CDC42BPA: variants seen among roughly 807,000 people sequenced by gnomAD.
CDC42BPA encodes the protein serine/threonine-protein kinase MRCK alpha.
Under a neutral mutation model 223.5 loss-of-function variants are expected in CDC42BPA, and 80 were observed. The ratio of observed to expected loss-of-function variants is 0.36; its 90% CI spans 0.30 to 0.43. The LOEUF (loss-of-function observed/expected upper bound fraction) is 0.43. Among genes scored for constraint, CDC42BPA ranks in the 20% least tolerant of loss-of-function variants. The probability of loss-of-function intolerance (pLI) is 1.00; values close to 1 mark genes in which losing one functional copy is unlikely to be tolerated. For missense variants in CDC42BPA, 1,743 were observed against 2,099.9 expected, an observed-to-expected ratio of 0.83 and a Z score of 3.32; for synonymous variants, 694 against 718.6, an observed-to-expected ratio of 0.97 and a Z score of 0.55.
At chr1:227,008,247 G>A (rs1347609177) in intron 34 of CDC42BPA, among the ~76,000 whole-genome samples, 1 of 152,180 alleles carries the variant, frequency 6.6e-6, no homozygotes, top group African/African-American at 2.4e-5. Context: ...TTCAAAATAT[G>A]ATCCTTTCTG....
chr1:227,083,632 A>G (rs1429108472), intron 16 of CDC42BPA, among the ~76,000 whole-genome samples: 1 of 152,172 alleles, frequency 6.6e-6, no homozygotes, highest in Admixed American at 6.5e-5. Flanking sequence ...TTTTTACTGC[A>G]TGCCACATAT....
intron 10 of CDC42BPA, among the ~76,000 whole-genome samples, chr1:227,132,791 T>G (rs1173590736): frequency 7.0e-6 from 1 of 143,040 alleles, no homozygotes; most frequent in African/African-American, 2.7e-5. Flanking sequence ...CCGCCCCGTC[T>G]GGGATGTGAG....
chr1:227,016,655 A>G (rs915520391), intron 33 of CDC42BPA, among the ~76,000 whole-genome samples: 2 of 138,834 alleles, frequency 1.4e-5, no homozygotes, highest in African/African-American at 5.4e-5. Flanking sequence ...GTAGAAAGGT[A>G]CACAATCCAA....
Position 227,265,183 on chromosome 1 carries a change from CAA to C in CDC42BPA, c.179-11030_179-11029del, listed in dbSNP as rs1684773005. ...CACAGTGGTAGGAAGACCAGCAGCA[CAA>C]ACACCAAAGCGTGCTAAAAGTGCAC... On this transcript the variant is annotated intron_variant, in intron 1 of 36. Transcript: ENST00000366766. The C allele has an allele frequency of 4.5e-6, 3 of 661,548 alleles. No individual in the cohort carries two copies. In the Admixed American group the frequency reaches 6.6e-5, roughly 15 times the overall value. The allele number at this position is 661,548 out of a possible 1,614,324, so 41.0% of individuals were successfully genotyped here. A position where few individuals can be genotyped will look rare whatever the true frequency, so the allele number is the denominator to read the frequency against.
intron 1 of CDC42BPA, among the ~76,000 whole-genome samples, chr1:227,310,626 C>T (rs1208615879): frequency 6.6e-6 from 1 of 151,432 alleles, no homozygotes; most frequent in African/African-American, 2.4e-5. Flanking sequence ...TGGAGTTCTA[C>T]TCACCATTAA....
chr1:227,280,843 G>A (rs932587668), intron 1 of CDC42BPA, among the ~76,000 whole-genome samples: 1 of 152,202 alleles, frequency 6.6e-6, no homozygotes, highest in Non-Finnish European at 1.5e-5. Flanking sequence ...AGCTGAGACA[G>A]AGATCAGTTT....
chr1:227,079,909 T>C (rs1042959527), intron 17 of CDC42BPA, among the ~76,000 whole-genome samples: 1 of 150,822 alleles, frequency 6.6e-6, no homozygotes, highest in Non-Finnish European at 1.5e-5. Flanking sequence ...TGAGATTATC[T>C]TGGGGATGGG....
intron 10 of CDC42BPA, among the ~76,000 whole-genome samples, chr1:227,133,335 A>T (rs1260721083): frequency 7.2e-6 from 1 of 139,154 alleles, no homozygotes; most frequent in African/African-American, 2.8e-5. Flanking sequence ...GTCCGGGAGG[A>T]GGTGGGGGCG....
At chr1:227,004,093 T>C (rs1176839214) in intron 35 of CDC42BPA, 3 of 150,184 alleles carry the variant, frequency 2.0e-5, no homozygotes, top group African/African-American at 7.3e-5. Flanking sequence ...CCTTTGGACA[T>C]GCGTGGAATG....
At chr1:227,297,967 T>TATATATATATACACACACACAC (rs369403944) in intron 1 of CDC42BPA, among the ~76,000 whole-genome samples, 18 of 132,076 alleles carry the variant, frequency 1.4e-4, no homozygotes, top group African/African-American at 5.3e-4. Flanking sequence ...TATATACATA[T>TATATATATATACACACACACAC]ACACACACAC....
At chr1:227,283,947 C>T (rs528120771) in intron 1 of CDC42BPA, among the ~76,000 whole-genome samples, 39 of 152,130 alleles carry the variant, frequency 2.6e-4, no homozygotes, top group Admixed American at 1.6e-3. Flanking sequence ...AATCCCAGCA[C>T]TCGGGAGGCT....
chr1:227,296,672 C>T (rs1351663194), intron 1 of CDC42BPA, among the ~76,000 whole-genome samples: 1 of 147,888 alleles, frequency 6.8e-6, no homozygotes, highest in East Asian at 2.0e-4. Context: ...TGCCACTGCA[C>T]TCCAGCCTGG....
At chr1:227,174,655 C>A (rs963248399) in intron 5 of CDC42BPA, among the ~76,000 whole-genome samples, 2 of 151,874 alleles carry the variant, frequency 1.3e-5, no homozygotes, top group Non-Finnish European at 2.9e-5. Context: ...AAGCTGTAAT[C>A]AAAAATCTTG....
At chr1:227,070,982 T>C (rs1279017855) in intron 20 of CDC42BPA, among the ~76,000 whole-genome samples, 2 of 151,896 alleles carry the variant, frequency 1.3e-5, no homozygotes, top group Non-Finnish European at 3.0e-5. Context: ...ATTCTTTTTC[T>C]TTTCCTCACT....
At chr1:227,076,476 T>C (rs1679510298) in intron 17 of CDC42BPA, among the ~76,000 whole-genome samples, 1 of 152,078 alleles carries the variant, frequency 6.6e-6, no homozygotes, top group African/African-American at 2.4e-5. Context: ...AGGCTGGTCT[T>C]GAACTCCTGA....
intron 11 of CDC42BPA, among the ~76,000 whole-genome samples, chr1:227,126,561 T>C (rs1689690787): frequency 6.6e-6 from 1 of 151,906 alleles, no homozygotes; most frequent in Non-Finnish European, 1.5e-5. Context: ...AACTAAAGAC[T>C]AATATCCTTC....
intron 17 of CDC42BPA, among the ~76,000 whole-genome samples, chr1:227,074,613 T>C (rs1888831): frequency 0.15 from 23,506 of 152,114 alleles, 2,205 homozygotes; most frequent in African/African-American, 0.25. Context: ...AGCTGATACA[T>C]TATTAAAACT....
At chr1:226,998,068 C>A (rs1196760525) in intron 35 of CDC42BPA, among the ~76,000 whole-genome samples, 1 of 152,116 alleles carries the variant, frequency 6.6e-6, no homozygotes, top group East Asian at 1.9e-4. Context: ...AATAAAATAC[C>A]TAGGAATCCA....
At chr1:227,292,877 T>A (rs1572902736) in intron 1 of CDC42BPA, among the ~76,000 whole-genome samples, 1 of 152,322 alleles carries the variant, frequency 6.6e-6, no homozygotes, top group Non-Finnish European at 1.5e-5. Flanking sequence ...TCTACCTGGA[T>A]GTTTCCACTA....
Sources: allele counts gnomAD v4.1 joint callset (sites outside exome capture counted in the v4.1 genomes callset), GRCh38; gene constraint gnomAD v4.1.1; transcripts MANE v1.5; gene names NCBI Gene and HGNC (gene_info 2026-07-23, HGNC 2026-07-21).